NRXN3: variants seen among roughly 807,000 people sequenced by gnomAD.
NRXN3 encodes the protein neurexin 3.
A neutral mutation model predicts 137.6 loss-of-function variants in NRXN3; 32 were observed. The ratio of observed to expected loss-of-function variants is 0.23; its 90% CI spans 0.18 to 0.31. The LOEUF is 0.31. Among genes scored for constraint, NRXN3 ranks in the 10% least tolerant of loss-of-function variants. The pLI is 1.00. For missense variants in NRXN3, 1,574 were observed against 2,062.5 expected, an observed-to-expected ratio of 0.76 and a Z score of 4.59; for synonymous variants, 798 against 784.5, an observed-to-expected ratio of 1.02 and a Z score of -0.29.
At chr14:78,742,219 G>A (rs899873862) in intron 8 of NRXN3, among the ~76,000 whole-genome samples, 2 of 152,136 alleles carry the variant, frequency 1.3e-5, no homozygotes, top group Admixed American at 6.6e-5. Context: ...TTTTGGACAG[G>A]CCAAGATGCC....
At chr14:79,026,972 A>AACTAT (rs1405563994) in intron 15 of NRXN3, among the ~76,000 whole-genome samples, 1 of 1,762 alleles carries the variant, frequency 5.7e-4, no homozygotes, top group African/African-American at 1.1e-3. Context: ...ATATATATAT[A>AACTAT]TATATATATA....
In NRXN3 at chr14:79,333,094, G is replaced by C. The variant is rs568544658; in HGVS notation, c.3263-134127G>C. ...CCATGCAGCGCTTTCATTCTAAAGG[G>C]GAGCAATTGAAAGCATTTCTTTGGT... On this transcript the variant is annotated intron_variant, in intron 15 of 20. Transcript: ENST00000335750. 7.2e-5 allele frequency among the ~76,000 whole-genome samples: 11 copies of C among 152,142 alleles called. No individual in the cohort carries two copies. The Middle Eastern group carries it at 0.017, about 235-fold the overall frequency.
intron 15 of NRXN3, among the ~76,000 whole-genome samples, chr14:79,004,336 C>T (rs1005864793): frequency 6.6e-6 from 1 of 152,064 alleles, no homozygotes; most frequent in African/African-American, 2.4e-5. Flanking sequence ...AACTCCACCT[C>T]CTGGGCTCAA....
chr14:79,499,883 C>A (rs1412851157), intron 16 of NRXN3, among the ~76,000 whole-genome samples: 2 of 151,874 alleles, frequency 1.3e-5, no homozygotes, highest in Non-Finnish European at 2.9e-5. Context: ...ATTCTTCACT[C>A]ATCAGACATG....
chr14:79,393,479 C>G (rs997881812), intron 15 of NRXN3, among the ~76,000 whole-genome samples: 1 of 152,010 alleles, frequency 6.6e-6, no homozygotes, highest in African/African-American at 2.4e-5. Context: ...TTTTAAAAAG[C>G]CTGTTACAAA....
At chr14:78,914,907 G>T (rs926295505) in intron 10 of NRXN3, among the ~76,000 whole-genome samples, 2 of 151,944 alleles carry the variant, frequency 1.3e-5, no homozygotes, top group African/African-American at 4.8e-5. Flanking sequence ...AGCAATAAGG[G>T]GAAGGAGGGG....
chr14:78,438,095 T>C (rs1257099403), intron 4 of NRXN3, among the ~76,000 whole-genome samples: 1 of 152,138 alleles, frequency 6.6e-6, no homozygotes, highest in Non-Finnish European at 1.5e-5. Flanking sequence ...GGATGTTTTA[T>C]AGTAAAATTG....
At chr14:78,977,061 A>G (rs1439848305) in intron 14 of NRXN3, among the ~76,000 whole-genome samples, 1 of 152,174 alleles carries the variant, frequency 6.6e-6, no homozygotes, top group South Asian at 2.1e-4. Context: ...GTAGAAATAC[A>G]TATCTCCCTT....
chr14:78,652,383 C>G (rs574097101), intron 6 of NRXN3, among the ~76,000 whole-genome samples: 1 of 152,198 alleles, frequency 6.6e-6, no homozygotes, highest in East Asian at 1.9e-4. Flanking sequence ...TAAGTTCAAC[C>G]TCTAAGGTCA....
At chr14:79,463,807 G>A (rs922509446) in intron 15 of NRXN3, among the ~76,000 whole-genome samples, 1 of 152,052 alleles carries the variant, frequency 6.6e-6, no homozygotes, top group Non-Finnish European at 1.5e-5. Context: ...AGGCTCAGGG[G>A]AGAAAGCATG....
At chr14:79,084,592 C>T (rs1174956124) in intron 15 of NRXN3, among the ~76,000 whole-genome samples, 1 of 152,060 alleles carries the variant, frequency 6.6e-6, no homozygotes, top group Admixed American at 6.6e-5. Flanking sequence ...TCTTCATTTC[C>T]TATGCCCCTC....
chr14:79,434,949 A>G (rs1159005796), intron 15 of NRXN3, among the ~76,000 whole-genome samples: 1 of 152,140 alleles, frequency 6.6e-6, no homozygotes, highest in Non-Finnish European at 1.5e-5. Flanking sequence ...CCGGTTCTGG[A>G]GAGGGACTGA....
At chr14:79,481,305 C>T (rs2096606023) in intron 16 of NRXN3, among the ~76,000 whole-genome samples, 1 of 152,144 alleles carries the variant, frequency 6.6e-6, no homozygotes, top group Non-Finnish European at 1.5e-5. Flanking sequence ...TGCCAAATTT[C>T]CACTTTAATC....
At chr14:79,550,128 C>A (rs1196984724) in intron 16 of NRXN3, among the ~76,000 whole-genome samples, 1 of 151,992 alleles carries the variant, frequency 6.6e-6, no homozygotes, top group Non-Finnish European at 1.5e-5. Flanking sequence ...CCCCACCACA[C>A]CAAGCTAATT....
intron 15 of NRXN3, among the ~76,000 whole-genome samples, chr14:79,420,641 A>G (rs1194071455): frequency 2.6e-5 from 4 of 152,140 alleles, no homozygotes; most frequent in Non-Finnish European, 5.9e-5. Flanking sequence ...TCATTTTATA[A>G]AACCAAAAAG....
At chr14:78,435,449 C>T (rs1031763611) in intron 4 of NRXN3, among the ~76,000 whole-genome samples, 1 of 152,176 alleles carries the variant, frequency 6.6e-6, no homozygotes, top group African/African-American at 2.4e-5. Flanking sequence ...CATTGCTAAG[C>T]AGTATTGCTC....
Position 79,861,297 on chromosome 14 carries a change from C to G in NRXN3, c.4094-45C>G. 1 of 1,536,102 alleles carries G rather than the reference C, an allele frequency of 6.5e-7. No individual in the cohort carries two copies. Among genetic ancestry groups the G allele is most frequent in the Non-Finnish European group, 8.7e-7 (1 of 1,146,904 alleles). ...GAAACCTTTGACTCTAACCTGCCCCCTACTGATGATGAAGATTTTTACACC... is the reference window on the plus strand; with the variant it reads ...GAAACCTTTGACTCTAACCTGCCCCGTACTGATGATGAAGATTTTTACACC... On this transcript the variant is annotated intron_variant, in intron 20 of 20. Coordinates refer to ENST00000335750, the MANE Select transcript of NRXN3 (RefSeq NM_001330195.2). The surrounding 1 kb of genome is among the most constrained non-coding windows in gnomAD (Gnocchi z 5.4).
At chr14:78,414,530 A>G (rs1248309172) in intron 4 of NRXN3, among the ~76,000 whole-genome samples, 2 of 152,180 alleles carry the variant, frequency 1.3e-5, no homozygotes, top group African/African-American at 2.4e-5. Context: ...CTTCAACCTC[A>G]TAGAATAAGA....
chr14:78,751,641 A>G (rs113716548), intron 8 of NRXN3, among the ~76,000 whole-genome samples: 99 of 152,208 alleles, frequency 6.5e-4, no homozygotes, highest in African/African-American at 2.3e-3. Flanking sequence ...CTCTCTAATT[A>G]AGAGATTCCC....
Sources: allele counts gnomAD v4.1 joint callset (sites outside exome capture counted in the v4.1 genomes callset), GRCh38; gene constraint gnomAD v4.1.1; non-coding constraint Gnocchi (gnomAD v3.1); transcripts MANE v1.5; gene names NCBI Gene and HGNC (gene_info 2026-07-23, HGNC 2026-07-21).